The following NCK1 variants were observed in gnomAD, a reference collection of about 807,000 sequenced individuals.
NCK1 encodes SH2/SH3 adapter protein NCK1.
In NCK1, 19 loss-of-function variants were observed where a neutral mutation model predicts 36.6. The ratio of observed to expected loss-of-function variants is 0.52; its 90% confidence interval spans 0.36 to 0.76. NCK1 has a LOEUF of 0.76. NCK1 is among the 30% of genes least tolerant of loss of function. The pLI, the probability that NCK1 is intolerant of heterozygous loss-of-function variation, is 0.00. For synonymous variants in NCK1, 165 were observed against 156.0 expected (o/e 1.06, Z -0.43); for missense variants, 358 against 445.6 (o/e 0.80, Z 1.77).
intron 2 of NCK1, among the ~76,000 whole-genome samples, chr3:136,930,760 A>G (rs958525245): frequency 6.6e-6 from 1 of 152,210 alleles, no homozygotes. Context: ...CAAAAATTGT[A>G]GTTTCGACTT....
intron 3 of NCK1, 112 bp from the exon 4 acceptor site, chr3:136,948,147 A>G (rs890501648): frequency 3.2e-5 from 23 of 716,978 alleles, no homozygotes; most frequent in Admixed American, 1.0e-4. Context: ...ATAATTTACC[A>G]TGGTGCCTAG....
intron 1 of NCK1, among the ~76,000 whole-genome samples, chr3:136,922,062 C>T (rs540077430): frequency 9.2e-5 from 14 of 152,288 alleles, no homozygotes; most frequent in African/African-American, 3.4e-4. Flanking sequence ...GGATTACAGG[C>T]GTGAGCCACC....
rs758599446 is a variant in NCK1 at position 136,948,574 on chromosome 3, T to C, written c.*121T>C. ...GTTGTTTCTAAATCTATATGAGAAT[T>C]GACAATAAGTATTTTTATTATAACT... is the stretch of plus-strand genomic sequence containing the variant. On this transcript the variant is annotated 3_prime_UTR_variant, in exon 4 of 4. Transcript: ENST00000481752. The C allele has an allele frequency of 1.4e-5, 11 of 799,732 alleles. No homozygotes were observed. The Middle Eastern group carries it at 2.7e-3, about 194-fold the overall frequency. 49.5% of individuals were successfully genotyped at this position (799,732 alleles called of 1,614,324 possible). A position where few individuals can be genotyped will look rare whatever the true frequency, so the allele number is the denominator to read the frequency against.
At chr3:136,899,601 G>T in intron 1 of NCK1, 2 of 638,692 alleles carry the variant, frequency 3.1e-6, no homozygotes, top group South Asian at 1.5e-5. Flanking sequence ...CTGTTGTACC[G>T]CAGCTTTAGA....
At chr3:136,891,887 TTTTTA>T (rs1939255391) in intron 1 of NCK1, among the ~76,000 whole-genome samples, 1 of 152,218 alleles carries the variant, frequency 6.6e-6, no homozygotes, top group African/African-American at 2.4e-5. Flanking sequence ...TTGTGTTGGA[TTTTTA>T]TTTTATTCTT....
chr3:136,864,347 C>T (rs918334327), intron 1 of NCK1, among the ~76,000 whole-genome samples: 1 of 151,370 alleles, frequency 6.6e-6, no homozygotes, highest in Non-Finnish European at 1.5e-5. Flanking sequence ...AAAAATTATC[C>T]GGGCGTGGTG....
chr3:136,932,309 C>G (rs564919566), intron 2 of NCK1, among the ~76,000 whole-genome samples: 2 of 152,140 alleles, frequency 1.3e-5, no homozygotes, highest in African/African-American at 2.4e-5. Context: ...GCAGCAACCC[C>G]AAATTTTTAT....
At chr3:136,872,271 G>C (rs1234263550) in intron 1 of NCK1, among the ~76,000 whole-genome samples, 1 of 152,190 alleles carries the variant, frequency 6.6e-6, no homozygotes, top group African/African-American at 2.4e-5. Context: ...AACTTGTTGG[G>C]AACTGGAGCA....
rs1299355361 is a variant in NCK1 at position 136,945,915 on chromosome 3, A to G, written c.559A>G (p.Asn187Asp). The G allele has an allele frequency of 6.2e-7, 1 of 1,614,088 alleles. No homozygotes were observed. The highest frequency in any genetic ancestry group is 1.7e-5 in the Admixed American group (1 of 60,012). Reference protein sequence around the residue: ...EKLAAVVNNLNTGQVLHVVQA... With the variant: ...EKLAAVVNNLDTGQVLHVVQA... ...ATTAGCAGCAGTCGTCAATAACCTA[A>G]ATACTGGGCAAGTGTTGCATGTGGT... The change falls in exon 3 of 4, where the codon AAT becomes GAT. Residue 187 changes from asparagine (N) to aspartate (D), a missense_variant. By Grantham distance (23) the Asn-to-Asp change is conservative. Transcript: ENST00000481752.
At chr3:136,863,328 C>T (rs1182526148) in intron 1 of NCK1, among the ~76,000 whole-genome samples, 3 of 152,224 alleles carry the variant, frequency 2.0e-5, no homozygotes, top group Non-Finnish European at 4.4e-5. Context: ...GACAAACCAA[C>T]TATAACGATT....
chr3:136,876,323 TAGAG>T (rs1180682377), intron 1 of NCK1, among the ~76,000 whole-genome samples: 1 of 151,850 alleles, frequency 6.6e-6, no homozygotes, highest in African/African-American at 2.4e-5. Context: ...CTGAAAGAAA[TAGAG>T]ACACAAAAAA....
rs1335478688 is a variant in NCK1, at chr3:136,951,061, A to G, written c.*2608A>G. Among the ~76,000 whole-genome samples, 3 of 152,180 alleles carry G rather than the reference A, an allele frequency of 2.0e-5. No homozygotes were observed. The highest frequency in any genetic ancestry group is 4.4e-5 in the Non-Finnish European group (3 of 68,018). Reference sequence around the variant, plus strand: ...TAGTGACAAATAATACTGCTAAACAAAATAGGCTTCATGCAATCTATTGCC... The same window carrying G: ...TAGTGACAAATAATACTGCTAAACAGAATAGGCTTCATGCAATCTATTGCC... On this transcript the variant is annotated 3_prime_UTR_variant, in exon 4 of 4. Coordinates refer to ENST00000481752, the MANE Select transcript of NCK1 (RefSeq NM_001291999.2).
At chr3:136,936,013 A>C (rs971661903) in intron 2 of NCK1, among the ~76,000 whole-genome samples, 1 of 149,938 alleles carries the variant, frequency 6.7e-6, no homozygotes, top group African/African-American at 2.4e-5. Flanking sequence ...TATATCAGTA[A>C]TTCATCCCTT....
chr3:136,865,449 C>T (rs542318372), intron 1 of NCK1, among the ~76,000 whole-genome samples: 2 of 152,176 alleles, frequency 1.3e-5, no homozygotes, highest in South Asian at 2.1e-4. Context: ...TTTACTTTGT[C>T]TTATTTTACT....
At chr3:136,925,718 C>A (rs1940220645) in intron 1 of NCK1, among the ~76,000 whole-genome samples, 1 of 151,924 alleles carries the variant, frequency 6.6e-6, no homozygotes, top group Non-Finnish European at 1.5e-5. Context: ...ATGAACGTAC[C>A]AGTTTGTTTA....
At chr3:136,873,403 C>G (rs1938681906) in intron 1 of NCK1, among the ~76,000 whole-genome samples, 1 of 152,150 alleles carries the variant, frequency 6.6e-6, no homozygotes, top group South Asian at 2.1e-4. Flanking sequence ...AATTCCTGTA[C>G]CCCCATCTTA....
At chr3:136,881,725 C>T (rs1203699383) in intron 1 of NCK1, among the ~76,000 whole-genome samples, 1 of 152,166 alleles carries the variant, frequency 6.6e-6, no homozygotes, top group Non-Finnish European at 1.5e-5. Flanking sequence ...CTTCATGTTT[C>T]TCCTTTATGT....
At chr3:136,882,197 G>GT (rs900382797) in intron 1 of NCK1, among the ~76,000 whole-genome samples, 115 of 152,172 alleles carry the variant, frequency 7.6e-4, no homozygotes, top group Admixed American at 7.2e-4. Context: ...TTTCCTGCAT[G>GT]TTTTTTTAAA....
At chr3:136,886,910 C>G (rs1252587511) in intron 1 of NCK1, among the ~76,000 whole-genome samples, 1 of 150,306 alleles carries the variant, frequency 6.7e-6, no homozygotes, top group Non-Finnish European at 1.5e-5. Context: ...ATGGCACAAT[C>G]TCATCTCACT....
Sources: gnomAD v4.1 joint callset for allele counts (sites outside exome capture counted in the v4.1 genomes callset) on GRCh38, gnomAD v4.1.1 for gene constraint, MANE v1.5 for transcripts, NCBI Gene and HGNC (gene_info 2026-07-23, HGNC 2026-07-21) for gene names.